The following SAMMSON variants were observed in gnomAD, a reference collection of about 807,000 sequenced individuals.
SAMMSON encodes long intergenic non-protein coding RNA 1212.
chr3:70,358,378 G>C (rs1320325736), intron 9 of SAMMSON: 2 of 152,144 alleles, frequency 1.3e-5, no homozygotes, highest in Admixed American at 6.6e-5. Context: ...ATTGGCAAAA[G>C]CTATGATTTA....
At position 70,396,809 on chromosome 3, in the gene SAMMSON, A is replaced by T. The variant is rs1304414473; in HGVS notation, n.233+38485A>T. On this transcript the variant is annotated intron_variant and non_coding_transcript_variant, in intron 2 of 3. Transcript: ENST00000641053. ...TCTTACAAGGAGCAGGAATGCAAAG[A>T]CATCATCTCCAGTTATTGTGTTGGG... 2.6e-5 allele frequency among the ~76,000 whole-genome samples: 4 copies of T among 152,190 alleles called. No individual in the cohort carries two copies. In the East Asian group the frequency reaches 7.7e-4, roughly 29 times the overall value.
intron 7 of SAMMSON, among the ~76,000 whole-genome samples, chr3:70,351,329 T>TGGTGG (rs1037568248): frequency 2.2e-4 from 33 of 152,202 alleles, no homozygotes; most frequent in African/African-American, 7.2e-4. Context: ...TAATAAGTAT[T>TGGTGG]GGTGGGGAGA....
intron 7 of SAMMSON, among the ~76,000 whole-genome samples, chr3:70,294,371 A>C (rs945876131): frequency 3.3e-5 from 5 of 152,186 alleles, no homozygotes; most frequent in African/African-American, 1.2e-4. Flanking sequence ...TCAATTTAAC[A>C]CATATTTATA....
chr3:70,153,228 T>A (rs1473563376), intron 4 of SAMMSON, among the ~76,000 whole-genome samples: 1 of 152,002 alleles, frequency 6.6e-6, no homozygotes, highest in Admixed American at 6.6e-5. Flanking sequence ...GTTTTTTAAA[T>A]GACTTTACAA....
At chr3:70,243,171 T>G (rs2106643205) in intron 4 of SAMMSON, among the ~76,000 whole-genome samples, 1 of 152,304 alleles carries the variant, frequency 6.6e-6, no homozygotes, top group Non-Finnish European at 1.5e-5. Context: ...GACAAGAGTC[T>G]TTGGCTCATG....
intron 3 of SAMMSON, among the ~76,000 whole-genome samples, chr3:70,021,466 A>G (rs2067013171): frequency 6.6e-6 from 1 of 152,206 alleles, no homozygotes; most frequent in Non-Finnish European, 1.5e-5. Flanking sequence ...CTGTGGCAAA[A>G]TGAGGAAGTG....
intron 7 of SAMMSON, among the ~76,000 whole-genome samples, chr3:70,341,586 G>A (rs1449787085): frequency 6.6e-6 from 1 of 152,100 alleles, no homozygotes; most frequent in African/African-American, 2.4e-5. Context: ...CTGATAGGGA[G>A]TATTTTCCTT....
intron 7 of SAMMSON, among the ~76,000 whole-genome samples, chr3:70,351,546 G>A (rs1702795521): frequency 6.6e-6 from 1 of 152,038 alleles, no homozygotes; most frequent in Non-Finnish European, 1.5e-5. Flanking sequence ...CCCAAAAATA[G>A]GGAAAGAAGA....
intron 4 of SAMMSON, among the ~76,000 whole-genome samples, chr3:70,171,220 G>C: frequency 6.6e-6 from 1 of 151,410 alleles, no homozygotes; most frequent in East Asian, 1.9e-4. Context: ...CTTCTCTCAG[G>C]ACACTTTATG....
intron 4 of SAMMSON, among the ~76,000 whole-genome samples, chr3:70,142,131 T>TA (rs11429410): frequency 0.99 from 150,319 of 152,194 alleles, 74,260 homozygotes; most frequent in East Asian, 1. Flanking sequence ...GGAGGTTCCC[T>TA]AAAATCTAAA....
intron 7 of SAMMSON, among the ~76,000 whole-genome samples, chr3:70,339,954 CA>C (rs1159072656): frequency 6.6e-6 from 1 of 152,056 alleles, no homozygotes; most frequent in Non-Finnish European, 1.5e-5. Context: ...CACATGCACA[CA>C]CATGTTTATT....
intron 6 of SAMMSON, among the ~76,000 whole-genome samples, chr3:70,268,229 G>T (rs1460061905): frequency 1.3e-5 from 2 of 152,082 alleles, no homozygotes; most frequent in East Asian, 3.9e-4. Context: ...CCAGCACTTT[G>T]GGGGGCCAAG....
intron 1 of SAMMSON, among the ~76,000 whole-genome samples, chr3:70,006,421 C>T (rs1267091218): frequency 6.6e-6 from 1 of 152,138 alleles, no homozygotes; most frequent in Non-Finnish European, 1.5e-5. Flanking sequence ...TTTCCTGAGC[C>T]TTATAAAGTT....
intron 4 of SAMMSON, among the ~76,000 whole-genome samples, chr3:70,131,606 AT>A (rs1177879003): frequency 6.6e-6 from 1 of 152,144 alleles, no homozygotes; most frequent in Non-Finnish European, 1.5e-5. Context: ...TTAAAAAAAA[AT>A]AGAGGGTTTC....
At chr3:70,372,486 G>C (rs926915115) in intron 9 of SAMMSON, among the ~76,000 whole-genome samples, 9 of 152,014 alleles carry the variant, frequency 5.9e-5, no homozygotes, top group Admixed American at 5.2e-4. Context: ...TATTAGTAGA[G>C]ACGGGGTTTC....
chr3:70,089,092 A>G (rs924288265), intron 4 of SAMMSON, among the ~76,000 whole-genome samples: 9 of 152,180 alleles, frequency 5.9e-5, no homozygotes, highest in African/African-American at 1.9e-4. Flanking sequence ...ATGGGGCAAT[A>G]AAAGAGGACG....
chr3:70,419,181 C>T (rs971147144), intron 2 of SAMMSON, among the ~76,000 whole-genome samples: 10 of 152,056 alleles, frequency 6.6e-5, no homozygotes, highest in East Asian at 1.9e-4. Context: ...TTTGCCACCA[C>T]GCATGGCTAA....
intron 2 of SAMMSON, among the ~76,000 whole-genome samples, chr3:70,423,198 ATACT>A (rs1206522993): frequency 6.6e-6 from 1 of 152,156 alleles, no homozygotes; most frequent in Non-Finnish European, 1.5e-5. Flanking sequence ...GAATAAACTG[ATACT>A]TACATGTTAA....
intron 6 of SAMMSON, among the ~76,000 whole-genome samples, chr3:70,254,951 T>C (rs1019801595): frequency 6.6e-6 from 1 of 152,204 alleles, no homozygotes; most frequent in Non-Finnish European, 1.5e-5. Context: ...ATTCCTATTA[T>C]GAATGTGCAA....
Sources: gnomAD v4.1 joint callset for allele counts (sites outside exome capture counted in the v4.1 genomes callset) on GRCh38, gnomAD v4.1.1 for gene constraint, MANE v1.5 for transcripts, NCBI Gene and HGNC (gene_info 2026-07-23, HGNC 2026-07-21) for gene names.